The following DUSP14 variants were observed in gnomAD, a reference collection of about 807,000 sequenced individuals.
DUSP14 encodes dual specificity phosphatase 14, also known as dual specificity protein phosphatase 14.
A neutral mutation model predicts 13.2 loss-of-function variants in DUSP14; 5 were observed. That is an observed-to-expected ratio of 0.38 (90% CI 0.20 to 0.80). The LOEUF (loss-of-function observed/expected upper bound fraction) is 0.80. Among genes scored for constraint, DUSP14 ranks in the 30% least tolerant of loss-of-function variants. DUSP14 has a pLI of 0.44. For missense variants in DUSP14, 185 were observed against 264.0 expected (o/e 0.70, Z 2.07); for synonymous variants, 91 against 103.4 (o/e 0.88, Z 0.73).
chr17:37,511,617 C>T (rs1254717285), intron 2 of DUSP14, among the ~76,000 whole-genome samples: 6 of 100,680 alleles, frequency 6.0e-5, no homozygotes, highest in African/African-American at 2.9e-4. Flanking sequence ...AGCTGGGTCT[C>T]CCTGTTGCCC....
intron 1 of DUSP14, among the ~76,000 whole-genome samples, chr17:37,502,347 AT>A (rs916192784): frequency 1.4e-3 from 193 of 139,878 alleles, no homozygotes; most frequent in Middle Eastern, 3.7e-3. Flanking sequence ...ATGCCCAGCA[AT>A]TTTTTTTTTT....
chr17:37,494,530 C>CA (rs2054050917), intron 1 of DUSP14, among the ~76,000 whole-genome samples: 1 of 152,062 alleles, frequency 6.6e-6, no homozygotes, highest in South Asian at 2.1e-4. Context: ...TGTGAACAGA[C>CA]AGTTACCAGG....
chr17:37,499,752 A>G (rs544462033), intron 1 of DUSP14, among the ~76,000 whole-genome samples: 27 of 150,838 alleles, frequency 1.8e-4, no homozygotes, highest in African/African-American at 5.9e-4. Context: ...CTGGTCTCAA[A>G]CTCCTGACCT....
chr17:37,496,914 TCAA>T (rs2054069052), intron 1 of DUSP14, among the ~76,000 whole-genome samples: 1 of 55,240 alleles, frequency 1.8e-5, no homozygotes, highest in Non-Finnish European at 3.3e-5. Flanking sequence ...AGACTCTGTC[TCAA>T]AAAAAAAAAA....
At chr17:37,496,787 G>C (rs1192655629) in intron 1 of DUSP14, among the ~76,000 whole-genome samples, 1 of 151,772 alleles carries the variant, frequency 6.6e-6, no homozygotes, top group African/African-American at 2.4e-5. Flanking sequence ...GTGGTGGCAT[G>C]CACCTGTAAT....
chr17:37,499,952 T>G (rs2054094474), intron 1 of DUSP14, among the ~76,000 whole-genome samples: 1 of 152,250 alleles, frequency 6.6e-6, no homozygotes, highest in South Asian at 2.1e-4. Flanking sequence ...TCCTCTGCCT[T>G]GGGACCCCTC....
intron 1 of DUSP14, among the ~76,000 whole-genome samples, chr17:37,505,502 G>A (rs1363654417): frequency 6.6e-6 from 1 of 151,622 alleles, no homozygotes; most frequent in Non-Finnish European, 1.5e-5. Context: ...TCCTAAAACT[G>A]AAAGTATTTT....
At chr17:37,490,805 G>C (rs1339976703) in intron 1 of DUSP14, among the ~76,000 whole-genome samples, 1 of 152,098 alleles carries the variant, frequency 6.6e-6, no homozygotes, top group African/African-American at 2.4e-5. Context: ...TAAGAGAGGG[G>C]GGTGGAGAGC....
At chr17:37,500,126 G>A (rs1485715766) in intron 1 of DUSP14, among the ~76,000 whole-genome samples, 2 of 152,220 alleles carry the variant, frequency 1.3e-5, no homozygotes, top group African/African-American at 4.8e-5. Context: ...ACCTCACCCT[G>A]CTCGGAAACT....
At chr17:37,508,222 G>A (rs2054150554) in intron 1 of DUSP14, among the ~76,000 whole-genome samples, 1 of 152,236 alleles carries the variant, frequency 6.6e-6, no homozygotes, top group African/African-American at 2.4e-5. Flanking sequence ...CAGTCTTCCA[G>A]GGGGAATGCA....
intron 1 of DUSP14, 49 bp downstream of exon 1, chr17:37,490,007 G>A (rs1342097951): frequency 3.4e-5 from 5 of 147,908 alleles, no homozygotes; most frequent in African/African-American, 1.2e-4. Context: ...AAGGTGTTGG[G>A]GTGGGGCGGG....
At chr17:37,492,653 T>G (rs1209099713) in intron 1 of DUSP14, among the ~76,000 whole-genome samples, 2 of 152,202 alleles carry the variant, frequency 1.3e-5, no homozygotes, top group Non-Finnish European at 2.9e-5. Flanking sequence ...CCAGAATTGT[T>G]GTCATGGTTC....
chr17:37,493,577 T>A (rs1341318278), intron 1 of DUSP14, among the ~76,000 whole-genome samples: 1 of 152,218 alleles, frequency 6.6e-6, no homozygotes, highest in Non-Finnish European at 1.5e-5. Context: ...CGTATTTTTA[T>A]TTAGTTATAT....
At position 37,509,264 on chromosome 17, in the gene DUSP14, TA is replaced by T. The variant is rs2054163598; in HGVS notation, c.-180-1412del. Among the ~76,000 whole-genome samples, 26 of 27,960 alleles carry T rather than the reference TA, an allele frequency of 9.3e-4. 2 individuals carry two copies. In the East Asian group the frequency reaches 0.015, roughly 16 times the overall value. 18.3% of individuals were successfully genotyped at this position (27,960 alleles called of 152,430 possible). ...CACACTATATATATATATATATATA[TA>T]TATATATATATATATATATATATAT... On this transcript the variant is annotated intron_variant, in intron 1 of 2. Coordinates refer to ENST00000617516, the MANE Select transcript of DUSP14 (RefSeq NM_007026.4).
chr17:37,492,527 G>A (rs2054035683), intron 1 of DUSP14, among the ~76,000 whole-genome samples: 1 of 152,122 alleles, frequency 6.6e-6, no homozygotes. Context: ...TACATTTACC[G>A]AGGACTTTTA....
chr17:37,508,642 G>A (rs903168127), intron 1 of DUSP14, among the ~76,000 whole-genome samples: 17 of 151,880 alleles, frequency 1.1e-4, no homozygotes, highest in African/African-American at 4.1e-4. Flanking sequence ...GCTGAGGCAG[G>A]AGAATCTCTT....
In DUSP14 at chr17:37,512,264, G is replaced by A. The variant is rs753436113; in HGVS notation, c.-9G>A. 1 of 1,584,828 alleles carries A rather than the reference G, an allele frequency of 6.3e-7. No individual in the cohort carries two copies. The highest frequency in any genetic ancestry group is 1.8e-5 in the Admixed American group (1 of 57,086). ...CGCCAACGATGCAAGTGTGACTGCT[G>A]GCGTCTTCATGAGCTCCAGAGGTCA... On this transcript the variant is annotated 5_prime_UTR_variant, in exon 3 of 3. Transcript: ENST00000617516. The surrounding 1 kb of genome is among the most constrained non-coding windows in gnomAD (Gnocchi z 4.8).
chr17:37,494,909 GTCTT>G (rs1344979293), intron 1 of DUSP14, among the ~76,000 whole-genome samples: 2 of 152,270 alleles, frequency 1.3e-5, no homozygotes, highest in East Asian at 1.9e-4. Context: ...TCTATTTTCA[GTCTT>G]TATTTACATA....
intron 1 of DUSP14, among the ~76,000 whole-genome samples, chr17:37,500,960 T>A (rs760792268): frequency 1.7e-4 from 25 of 142,956 alleles, no homozygotes; most frequent in Non-Finnish European, 2.9e-4. Flanking sequence ...GCCAGTGAAA[T>A]GTACATTTTG....
Sources: allele counts gnomAD v4.1 joint callset (sites outside exome capture counted in the v4.1 genomes callset), GRCh38; gene constraint gnomAD v4.1.1; non-coding constraint Gnocchi (gnomAD v3.1); transcripts MANE v1.5; gene names NCBI Gene and HGNC (gene_info 2026-07-23, HGNC 2026-07-21).